Variants in MDFIC observed in about 807,000 individuals in gnomAD.
MDFIC encodes the protein MyoD family inhibitor domain containing.
A neutral mutation model predicts 23.2 loss-of-function variants in MDFIC; 17 were observed. That is an observed-to-expected ratio of 0.73 (90% CI 0.50 to 1.10). MDFIC has a LOEUF of 1.10. MDFIC is among the 50% of genes least tolerant of loss of function. MDFIC has a pLI of 0.00. For synonymous variants in MDFIC, 120 were observed against 115.2 expected, an observed-to-expected ratio of 1.04 and a Z score of -0.27; for missense variants, 356 against 316.6, an observed-to-expected ratio of 1.12 and a Z score of -0.95.
intron 2 of MDFIC, among the ~76,000 whole-genome samples, chr7:114,929,753 C>T (rs572496752): frequency 6.6e-6 from 1 of 152,126 alleles, no homozygotes; most frequent in African/African-American, 2.4e-5. Context: ...GGATTGAATA[C>T]ACTCACTGTG....
At chr7:115,012,200 A>G (rs1791696619) in intron 4 of MDFIC, among the ~76,000 whole-genome samples, 3 of 152,240 alleles carry the variant, frequency 2.0e-5, no homozygotes, top group Admixed American at 2.0e-4. Flanking sequence ...TATCTCGAAT[A>G]TCTGAAAAAC....
At chr7:114,981,033 T>G (rs1353833918) in intron 4 of MDFIC, among the ~76,000 whole-genome samples, 1 of 152,206 alleles carries the variant, frequency 6.6e-6, no homozygotes, top group African/African-American at 2.4e-5. Flanking sequence ...AAAATGAGTT[T>G]GACATGTAAG....
At chr7:114,968,993 A>G (rs1793154351) in intron 3 of MDFIC, among the ~76,000 whole-genome samples, 1 of 152,274 alleles carries the variant, frequency 6.6e-6, no homozygotes, top group East Asian at 1.9e-4. Context: ...TTTCACTTGT[A>G]TATTAAGTTG....
intron 2 of MDFIC, chr7:114,923,409 T>C: frequency 6.7e-7 from 1 of 1,497,802 alleles, no homozygotes. Context: ...AGCATATGCA[T>C]GTTTGGGCCT....
chr7:114,964,553 TCGCTTCCCTC>T (rs1426669129), intron 3 of MDFIC, among the ~76,000 whole-genome samples: 1 of 144,676 alleles, frequency 6.9e-6, no homozygotes, highest in African/African-American at 2.5e-5. Flanking sequence ...TCCCTTCCCT[TCGCTTCCCTC>T]CCCTTCCGAC....
chr7:114,952,292 A>G (rs1324689331), intron 3 of MDFIC, among the ~76,000 whole-genome samples: 1 of 152,180 alleles, frequency 6.6e-6, no homozygotes, highest in Non-Finnish European at 1.5e-5. Context: ...AGCCAGCAGA[A>G]AGCAGGAAGA....
In MDFIC at chr7:115,015,812, C is replaced by G. The variant is rs552071640; in HGVS notation, c.618C>G (p.Asp206Glu). ...AAGCCTGCTGCTGTTGCTGTGGTGA[C>G]GAGATGGGGGATGATTGTAACTGCC... ...TSEACCCCCG[D>E]EMGDDCNCPC... Residue 206 changes from aspartate (D) to glutamate (E), a missense_variant, in exon 5 of 5, where the codon GAC becomes GAG. By Grantham distance (45) the Asp-to-Glu change is conservative. Coordinates refer to ENST00000393486, the MANE Select transcript of MDFIC (RefSeq NM_001166345.3). 6.2e-7 allele frequency: 1 copy of G among 1,613,986 alleles called. No individual in the cohort carries two copies. Among genetic ancestry groups the G allele is most frequent in the African/African-American group, 1.3e-5 (1 of 74,894 alleles).
chr7:115,005,794 G>A lies in MDFIC; in HGVS notation c.494-9894G>A, dbSNP rs138861226. ...TGTCATGCTGTCCTGTTCATCTGTG[G>A]CTTGCAATAGTGCCTTAAAATAATC... On this transcript the variant is annotated intron_variant, in intron 4 of 4. Transcript: ENST00000393486. Among the ~76,000 whole-genome samples the A allele has an allele frequency of 1.7e-3, 257 of 152,242 alleles. 2 individuals are homozygous for A. Among genetic ancestry groups the A allele is most frequent in the Middle Eastern group, 6.8e-3 (2 of 294 alleles).
intron 4 of MDFIC, among the ~76,000 whole-genome samples, chr7:114,986,631 C>G (rs1400659637): frequency 6.6e-6 from 1 of 151,968 alleles, no homozygotes; most frequent in Non-Finnish European, 1.5e-5. Context: ...TCAGGTGAAA[C>G]ACTGCTGAAT....
rs747661839 is a variant in MDFIC, at chr7:114,922,963, C to T, written c.-71C>T. 1.9e-6 allele frequency: 3 copies of T among 1,566,644 alleles called. No homozygotes were observed. The highest frequency in any genetic ancestry group is 2.3e-5 in the South Asian group (2 of 87,160). On this transcript the variant is annotated 5_prime_UTR_variant, in exon 2 of 5. Transcript: ENST00000393486. ...TCCCTGCACCCAGCACCTCACAGCC[C>T]TTCCTCCGTGCGCCCTGCCGGGCGG...
chr7:115,000,611 T>G (rs1310739014), intron 4 of MDFIC, among the ~76,000 whole-genome samples: 1 of 152,214 alleles, frequency 6.6e-6, no homozygotes, highest in African/African-American at 2.4e-5. Flanking sequence ...AACACAGATT[T>G]TTTTTGAACA....
At chr7:114,923,717 A>G (rs976638910) in intron 2 of MDFIC, 2 of 1,255,882 alleles carry the variant, frequency 1.6e-6, no homozygotes, top group Admixed American at 3.4e-5. Flanking sequence ...CACACAGCCT[A>G]TAAAATACTC....
intron 3 of MDFIC, among the ~76,000 whole-genome samples, chr7:114,973,101 G>GTATATATATATATA (rs61549771): frequency 1.4e-5 from 2 of 147,746 alleles, no homozygotes; most frequent in African/African-American, 5.0e-5. Flanking sequence ...GTGTGTGTGT[G>GTATATATATATATA]TATATATATA....
chr7:114,972,810 G>A (rs1202296231), intron 3 of MDFIC, among the ~76,000 whole-genome samples: 2 of 151,848 alleles, frequency 1.3e-5, no homozygotes, highest in Non-Finnish European at 2.9e-5. Flanking sequence ...TAGAAACAGA[G>A]TTTCACTATG....
At chr7:114,982,037 G>T (rs549335881) in intron 4 of MDFIC, among the ~76,000 whole-genome samples, 394 of 152,326 alleles carry the variant, frequency 2.6e-3, no homozygotes, top group African/African-American at 8.8e-3. Flanking sequence ...GTGGAATGAA[G>T]GGTTTGGATT....
At position 115,014,283 on chromosome 7, in the gene MDFIC, C is replaced by G. The variant is rs906444301; in HGVS notation, c.494-1405C>G. 7 of 985,264 alleles carry G rather than the reference C, an allele frequency of 7.1e-6. No individual in the cohort carries two copies. In the African/African-American group the frequency reaches 8.7e-5, roughly 12 times the overall value. 61.0% of individuals were successfully genotyped at this position (985,264 alleles called of 1,614,324 possible). Reference sequence around the variant, plus strand: ...GAGTTAAGAGACTGCCGTAGGTACCCTGGTGTTTGTTTTTCTTTACCTGAA... The same window carrying G: ...GAGTTAAGAGACTGCCGTAGGTACCGTGGTGTTTGTTTTTCTTTACCTGAA... On this transcript the variant is annotated intron_variant, in intron 4 of 4. Transcript: ENST00000393486.
In MDFIC at chr7:115,015,678, G is replaced by GA. The variant is rs1184255747; in HGVS notation, c.494-6dup. Reference sequence around the variant, plus strand: ...CTCACTATATGGTCTCCTCATCACTGAAAATGAAGATTGTTGTGTCCACTG... The same window carrying GA: ...CTCACTATATGGTCTCCTCATCACTGAAAAATGAAGATTGTTGTGTCCACTG... On this transcript the variant is annotated splice_polypyrimidine_tract_variant and intron_variant, in intron 4 of 4. Coordinates refer to ENST00000393486, the MANE Select transcript of MDFIC (RefSeq NM_001166345.3). 1.2e-6 allele frequency: 2 copies of GA among 1,612,910 alleles called. No individual in the cohort carries two copies. Among genetic ancestry groups the GA allele is most frequent in the Non-Finnish European group, 1.7e-6 (2 of 1,179,152 alleles).
intron 2 of MDFIC, among the ~76,000 whole-genome samples, chr7:114,938,741 G>T (rs568241397): frequency 2.0e-5 from 3 of 152,290 alleles, no homozygotes; most frequent in Admixed American, 2.0e-4. Flanking sequence ...GAAAGGTACA[G>T]ACTGATTTCA....
chr7:115,003,487 C>G (rs1791504394), intron 4 of MDFIC, among the ~76,000 whole-genome samples: 1 of 152,220 alleles, frequency 6.6e-6, no homozygotes, highest in African/African-American at 2.4e-5. Flanking sequence ...TGATTCTTCT[C>G]ATCACTGCTT....
Sources: allele counts gnomAD v4.1 joint callset (sites outside exome capture counted in the v4.1 genomes callset), GRCh38; gene constraint gnomAD v4.1.1; transcripts MANE v1.5; gene names NCBI Gene and HGNC (gene_info 2026-07-23, HGNC 2026-07-21).